Variants in POLR1B observed in about 807,000 individuals in gnomAD.
The protein encoded by POLR1B is RNA polymerase I subunit B.
POLR1B carries 30 observed loss-of-function variants against 105.8 expected under a neutral mutation model. The observed-to-expected ratio is 0.28, with a 90% CI of 0.21 to 0.38. The LOEUF is 0.38. Ranked by LOEUF, POLR1B falls within the 10% of genes least tolerant of loss-of-function variation. POLR1B has a pLI of 1.00. For missense variants in POLR1B, 976 were observed against 1,435.8 expected, an observed-to-expected ratio of 0.68 and a Z score of 5.17; for synonymous variants, 485 against 505.1, an observed-to-expected ratio of 0.96 and a Z score of 0.53.
intron 5 of POLR1B, 72 bp downstream of exon 5, chr2:112,551,074 G>A: frequency 1.4e-6 from 2 of 1,425,090 alleles, no homozygotes; most frequent in Non-Finnish European, 2.0e-6. Context: ...CACATTGGAT[G>A]GATTCTCCTT....
At chr2:112,545,796 T>C (rs1468650582) in intron 1 of POLR1B, 1 of 365,980 alleles carries the variant, frequency 2.7e-6, no homozygotes, top group South Asian at 2.1e-5. Context: ...TGCACCACTA[T>C]GCCCGGCTAA....
In POLR1B at chr2:112,578,051, G is replaced by A. The variant is rs566771899; in HGVS notation, c.*2322G>A. Reference sequence around the variant, plus strand: ...CCCACAGCTGAGGTCTATTGTCATCGCTCCACTTCTATTTTTAGCAGCACT... The same window carrying A: ...CCCACAGCTGAGGTCTATTGTCATCACTCCACTTCTATTTTTAGCAGCACT... On this transcript the variant is annotated 3_prime_UTR_variant, in exon 15 of 15. Coordinates refer to ENST00000263331, the MANE Select transcript of POLR1B (RefSeq NM_019014.6). 6.0e-4 allele frequency among the ~76,000 whole-genome samples: 91 copies of A among 152,092 alleles called. No individual in the cohort carries two copies. The highest frequency in any genetic ancestry group is 1.5e-3 in the South Asian group (7 of 4,822).
chr2:112,565,625 T>C (rs1402929278), intron 10 of POLR1B, among the ~76,000 whole-genome samples: 1 of 151,728 alleles, frequency 6.6e-6, no homozygotes, highest in Non-Finnish European at 1.5e-5. Context: ...AGTGGCACAA[T>C]CACAGCTCAC....
intron 12 of POLR1B, among the ~76,000 whole-genome samples, chr2:112,569,876 TC>T (rs1465839272): frequency 6.6e-6 from 1 of 152,026 alleles, no homozygotes; most frequent in Non-Finnish European, 1.5e-5. Flanking sequence ...TTGTTTTTTT[TC>T]AGTTTAATTA....
At chr2:112,569,526 G>A (rs1179659662) in intron 12 of POLR1B, among the ~76,000 whole-genome samples, 1 of 150,080 alleles carries the variant, frequency 6.7e-6, no homozygotes, top group Non-Finnish European at 1.5e-5. Context: ...GTCATTTCTA[G>A]TTAGAAGGCA....
At chr2:112,574,688 C>T (rs982481433) in intron 14 of POLR1B, among the ~76,000 whole-genome samples, 159 bp from the exon 15 acceptor site, 2 of 146,984 alleles carry the variant, frequency 1.4e-5, no homozygotes, top group African/African-American at 5.1e-5. Context: ...CACCACCGCA[C>T]TCCAGCCTGG....
At chr2:112,569,030 CT>C in intron 12 of POLR1B, 128 bp downstream of exon 12, 1 of 1,060,188 alleles carries the variant, frequency 9.4e-7, no homozygotes, top group Non-Finnish European at 1.3e-6. Flanking sequence ...GCAAGTTTTT[CT>C]TTTTTCTGTG....
Position 112,573,506 on chromosome 2 carries a change from T to G in POLR1B, c.2272-56T>G, listed in dbSNP as rs372118601. 101 of 1,557,774 alleles carry G rather than the reference T, an allele frequency of 6.5e-5. 1 individual carries two copies. The South Asian group carries it at 1.2e-3, about 18-fold the overall frequency. ...CCAAGTATGATAGTCCCACCTAGTT[T>G]TATTTTGAAAATCCTCAATTGGCCT... On this transcript the variant is annotated intron_variant, in intron 13 of 14. Transcript: ENST00000263331.
chr2:112,560,605 G>A (rs1362078063), intron 9 of POLR1B, among the ~76,000 whole-genome samples: 1 of 152,108 alleles, frequency 6.6e-6, no homozygotes, highest in Non-Finnish European at 1.5e-5. Flanking sequence ...TTTGGAGACA[G>A]AAATGTTCTG....
At chr2:112,567,318 TG>T (rs1318366447) in intron 10 of POLR1B, among the ~76,000 whole-genome samples, 8 of 152,066 alleles carry the variant, frequency 5.3e-5, no homozygotes, top group South Asian at 2.1e-4. Context: ...TTGTTGTTGT[TG>T]TTGTTTTCAG....
intron 14 of POLR1B, 117 bp from the exon 15 acceptor site, chr2:112,574,723 TAAAAAAA>T (rs61116291): frequency 8.5e-4 from 497 of 587,892 alleles, no homozygotes; most frequent in East Asian, 1.5e-3. Context: ...CCCTGTATCA[TAAAAAAA>T]AAAAAAAAAA....
intron 3 of POLR1B, among the ~76,000 whole-genome samples, chr2:112,548,529 T>C (rs1000902277): frequency 1.3e-5 from 2 of 152,258 alleles, no homozygotes; most frequent in African/African-American, 4.8e-5. Flanking sequence ...ATTTCTGGTT[T>C]CCAGAGCTTT....
At chr2:112,559,243 C>G (rs1574111613) in intron 8 of POLR1B, 50 bp from the exon 9 acceptor site, 1 of 1,598,296 alleles carries the variant, frequency 6.3e-7, no homozygotes, top group Non-Finnish European at 8.5e-7. Context: ...TCAACAATTT[C>G]CATTTTTCAA....
rs1485041620 is a variant in POLR1B, at chr2:112,576,072, T to C, written c.*343T>C. On this transcript the variant is annotated 3_prime_UTR_variant, in exon 15 of 15. Coordinates refer to ENST00000263331, the MANE Select transcript of POLR1B (RefSeq NM_019014.6). ...AGTGTCACACACCTGTTAATCCATC[T>C]TGAGCAGGACAGTACTATACAAATA... 6.5e-6 allele frequency: 2 copies of C among 309,404 alleles called. No homozygotes were observed. Among genetic ancestry groups the C allele is most frequent in the South Asian group, 7.2e-5 (2 of 27,844 alleles). 19.2% of individuals were successfully genotyped at this position (309,404 alleles called of 1,614,324 possible). A position where few individuals can be genotyped will look rare whatever the true frequency, so the allele number is the denominator to read the frequency against.
At chr2:112,555,098 A>G (rs548224733) in intron 7 of POLR1B, among the ~76,000 whole-genome samples, 16 of 152,136 alleles carry the variant, frequency 1.1e-4, no homozygotes, top group African/African-American at 3.9e-4. Context: ...GGAGAGTTGC[A>G]TGAGCCTGGG....
rs773808006 is a variant in POLR1B at position 112,575,643 on chromosome 2, G to T, written c.3322G>T (p.Asp1108Tyr). The change falls in exon 15 of 15, where the codon GAT (aspartate) becomes TAT (tyrosine). Residue 1108 changes from aspartate to tyrosine, a missense_variant. Asp to Tyr is a radical substitution (Grantham distance 160). Around this residue, in one of 12 missense-constraint regions of POLR1B, gnomAD observed 77 missense variants for 104.5 expected, o/e 0.74. Transcript: ENST00000263331. This position sits in a 1 kb window ranked among gnomAD's most constrained non-coding sequence, Gnocchi z 5.3. ...CTLCSRSDTIDTVSVPYVFRY... is the reference protein window; with the variant it reads ...CTLCSRSDTIYTVSVPYVFRY... The stretch of plus-strand genomic sequence containing the variant: ...TCTGTGTAGTCGCAGTGACACTATC[G>T]ATACTGTTTCTGTGCCTTATGTTTT... 1.2e-6 allele frequency: 2 copies of T among 1,613,954 alleles called. No individual in the cohort carries two copies. Among genetic ancestry groups the T allele is most frequent in the Non-Finnish European group, 8.5e-7 (1 of 1,180,032 alleles).
chr2:112,572,651 G>C lies in POLR1B; in HGVS notation c.2164G>C (p.Val722Leu), dbSNP rs773499918. The C allele has an allele frequency of 6.2e-7, 1 of 1,613,512 alleles. No homozygotes were observed. The highest frequency in any genetic ancestry group is 1.3e-5 in the African/African-American group (1 of 74,914). Residue 722 changes from valine (V) to leucine (L), a missense_variant, in exon 13 of 15, where the codon GTG (valine) becomes CTG (leucine). By Grantham distance (32) the Val-to-Leu change is conservative. Coordinates refer to ENST00000263331, the MANE Select transcript of POLR1B (RefSeq NM_019014.6). Reference protein sequence around the residue: ...YRLQTPQSPLVRPSMYDYYDM... With the variant: ...YRLQTPQSPLLRPSMYDYYDM... ...TCTTCAGACTCCTCAGAGTCCCTTG[G>C]TGAGACCCTCCATGTATGATTATTA...
At chr2:112,572,330 A>G in intron 12 of POLR1B, among the ~76,000 whole-genome samples, 1 of 152,196 alleles carries the variant, frequency 6.6e-6, no homozygotes. Flanking sequence ...ATTAAATGTC[A>G]GTCTGCACTT....
intron 9 of POLR1B, 141 bp downstream of exon 9, chr2:112,559,715 C>T: frequency 1.0e-6 from 1 of 989,674 alleles, no homozygotes. Flanking sequence ...ACTGCAAGCT[C>T]TGCCTCCTAG....
Sources: gnomAD v4.1 joint callset for allele counts (sites outside exome capture counted in the v4.1 genomes callset) on GRCh38, gnomAD v4.1.1 for gene constraint, gnomAD v4.1.1 regional missense constraint, Gnocchi (gnomAD v3.1) non-coding constraint, MANE v1.5 for transcripts, NCBI Gene and HGNC (gene_info 2026-07-23, HGNC 2026-07-21) for gene names.